KAZN: variants seen among roughly 807,000 people sequenced by gnomAD.
KAZN encodes the protein kazrin, periplakin interacting protein.
KAZN carries 40 observed loss-of-function variants against 87.4 expected under a neutral mutation model. The observed-to-expected ratio is 0.46, with a 90% CI of 0.36 to 0.60. The LOEUF (loss-of-function observed/expected upper bound fraction) is 0.60, where lower values mean the gene tolerates loss of function less well. Among genes scored for constraint, KAZN ranks in the 20% least tolerant of loss-of-function variants. The pLI is 0.00. For synonymous variants in KAZN, 466 were observed against 458.3 expected (o/e 1.02, Z -0.22); for missense variants, 898 against 1,073.9 (o/e 0.84, Z 2.29).
intron 1 of KAZN, among the ~76,000 whole-genome samples, chr1:14,867,981 C>A (rs1209169193): frequency 3.0e-5 from 2 of 67,046 alleles, no homozygotes; most frequent in Admixed American, 2.6e-4. Context: ...ATCGCATATG[C>A]AGGCATTGGA....
At chr1:14,343,928 T>C (rs1174512975) in intron 2 of KAZN, among the ~76,000 whole-genome samples, 1 of 152,188 alleles carries the variant, frequency 6.6e-6, no homozygotes, top group African/African-American at 2.4e-5. Flanking sequence ...GTCCCAAACC[T>C]TAACCACTGT....
chr1:14,045,466 C>T (rs2101427097), intron 1 of KAZN, among the ~76,000 whole-genome samples: 1 of 152,266 alleles, frequency 6.6e-6, no homozygotes, highest in East Asian at 1.9e-4. Flanking sequence ...TTCCATAACC[C>T]AATTGTAAGG....
chr1:14,425,369 A>G (rs1408961884), intron 2 of KAZN, among the ~76,000 whole-genome samples: 1 of 152,208 alleles, frequency 6.6e-6, no homozygotes, highest in Non-Finnish European at 1.5e-5. Flanking sequence ...TTGCCACCCC[A>G]GAAGCCAGCT....
chr1:14,919,323 C>T (rs1194532486), intron 1 of KAZN, among the ~76,000 whole-genome samples: 2 of 152,284 alleles, frequency 1.3e-5, no homozygotes, highest in South Asian at 2.1e-4. Context: ...ATGACAGGCG[C>T]GTTCCACCAC....
chr1:14,542,818 G>A (rs1395928515), intron 2 of KAZN, among the ~76,000 whole-genome samples: 2 of 152,176 alleles, frequency 1.3e-5, no homozygotes, highest in Non-Finnish European at 2.9e-5. Flanking sequence ...GCAAGCGGGG[G>A]AACAGCAAAG....
rs567034465 is a variant in KAZN, at chr1:14,632,849, G to A, written c.226+33626G>A. ...ACCGTGGCGTGACCTGAATACATTTGTCACCAGTACAGGATTGGAAGAGTC... is the reference window on the plus strand; with the variant it reads ...ACCGTGGCGTGACCTGAATACATTTATCACCAGTACAGGATTGGAAGAGTC... On this transcript the variant is annotated intron_variant, in intron 1 of 14. Transcript: ENST00000376030. 7.2e-5 allele frequency among the ~76,000 whole-genome samples: 11 copies of A among 152,208 alleles called. No homozygotes were observed. The East Asian group carries it at 1.4e-3, about 19-fold the overall frequency.
chr1:14,036,082 G>A (rs1641541694), intron 1 of KAZN, among the ~76,000 whole-genome samples: 1 of 152,190 alleles, frequency 6.6e-6, no homozygotes, highest in African/African-American at 2.4e-5. Context: ...GCAAACTGTG[G>A]AAGGCAGGAG....
intron 1 of KAZN, among the ~76,000 whole-genome samples, chr1:14,677,971 T>G (rs2148752755): frequency 6.6e-6 from 1 of 152,316 alleles, no homozygotes; most frequent in South Asian, 2.1e-4. Flanking sequence ...GGCCCTGAGC[T>G]GCTCCTCATG....
intron 1 of KAZN, among the ~76,000 whole-genome samples, chr1:14,693,752 C>T (rs1192266219): frequency 1.3e-5 from 2 of 152,050 alleles, no homozygotes; most frequent in South Asian, 2.1e-4. Flanking sequence ...TGTTTGGAGG[C>T]GAGTCTGGAA....
chr1:14,997,204 CATTTATTTA>C (rs1438711652), intron 2 of KAZN, among the ~76,000 whole-genome samples: 2 of 120,812 alleles, frequency 1.7e-5, no homozygotes, highest in African/African-American at 6.2e-5. Flanking sequence ...TTCTTTCTTT[CATTTATTTA>C]TTTATTTATT....
At chr1:15,051,319 A>G (rs939891763) in intron 4 of KAZN, among the ~76,000 whole-genome samples, 1 of 152,206 alleles carries the variant, frequency 6.6e-6, no homozygotes, top group Non-Finnish European at 1.5e-5. Flanking sequence ...GTTAACAGGA[A>G]CTGCCATTGG....
intron 1 of KAZN, among the ~76,000 whole-genome samples, chr1:14,077,494 G>A (rs1238762441): frequency 1.3e-5 from 2 of 152,254 alleles, no homozygotes; most frequent in Non-Finnish European, 2.9e-5. Context: ...CCCCTTGATC[G>A]CAGCAGCAGC....
At chr1:14,053,196 C>T (rs1321555754) in intron 1 of KAZN, among the ~76,000 whole-genome samples, 1 of 152,182 alleles carries the variant, frequency 6.6e-6, no homozygotes, top group Non-Finnish European at 1.5e-5. Context: ...AGCAAGTGGC[C>T]ATGTTGTGAG....
intron 1 of KAZN, among the ~76,000 whole-genome samples, chr1:14,768,972 C>T (rs773217034): frequency 5.6e-4 from 86 of 152,216 alleles, no homozygotes; most frequent in Non-Finnish European, 1.1e-3. Flanking sequence ...GACCAGTGTG[C>T]AGCTACCTCT....
At chr1:14,596,174 A>G (rs965807583), upstream of KAZN, among the ~76,000 whole-genome samples, 1 of 152,250 alleles carries the variant, frequency 6.6e-6, no homozygotes, top group African/African-American at 2.4e-5. Context: ...GATGAATGAC[A>G]TAAAAAGCCG....
chr1:13,959,888 A>G (rs1641687543), intron 1 of KAZN, among the ~76,000 whole-genome samples: 1 of 152,124 alleles, frequency 6.6e-6, no homozygotes, highest in Non-Finnish European at 1.5e-5. Context: ...CACCTAATAA[A>G]TGGCCATTCA....
intron 2 of KAZN, among the ~76,000 whole-genome samples, chr1:14,188,222 TGTG>T (rs1646351509): frequency 7.1e-6 from 1 of 141,740 alleles, no homozygotes; most frequent in African/African-American, 2.6e-5. Context: ...TGTGTGTGTG[TGTG>T]TGTGTGTGTG....
rs566359872 is a variant in KAZN at position 14,185,541 on chromosome 1, G to A, written c.249+4949G>A. On this transcript the variant is annotated intron_variant, in intron 2 of 16. Coordinates refer to the KAZN transcript ENST00000636203. ...AAGCAATGCTTATTTTCCATTCTTA[G>A]TTGCAAAACTATCAAATCAGCAAGT... 6.6e-5 allele frequency among the ~76,000 whole-genome samples: 10 copies of A among 152,266 alleles called. No individual in the cohort carries two copies. The East Asian group carries it at 1.9e-3, about 29-fold the overall frequency.
At chr1:14,279,399 C>G (rs1652666394) in intron 2 of KAZN, among the ~76,000 whole-genome samples, 1 of 152,172 alleles carries the variant, frequency 6.6e-6, no homozygotes, top group African/African-American at 2.4e-5. Flanking sequence ...GTAATTGCTC[C>G]CAAATTGAAC....
Sources: gnomAD v4.1 joint callset for allele counts (sites outside exome capture counted in the v4.1 genomes callset) on GRCh38, gnomAD v4.1.1 for gene constraint, MANE v1.5 for transcripts, NCBI Gene and HGNC (gene_info 2026-07-23, HGNC 2026-07-21) for gene names.